Variants in RDX observed in about 807,000 individuals in gnomAD.
RDX encodes deafness, autosomal recessive 24.
In RDX, 32 loss-of-function variants were observed where a neutral mutation model predicts 83.7. The ratio of observed to expected loss-of-function variants is 0.38; its 90% CI spans 0.29 to 0.51. The LOEUF is 0.51. Ranked by LOEUF, RDX falls within the 20% of genes least tolerant of loss-of-function variation. The probability of loss-of-function intolerance (pLI) is 0.87; values close to 1 mark genes in which losing one functional copy is unlikely to be tolerated. For missense variants in RDX, 600 were observed against 689.9 expected (o/e 0.87, Z 1.46); for synonymous variants, 229 against 222.7 (o/e 1.03, Z -0.25).
At chr11:110,204,514 C>CTTTTTTTTTTTTTTTTTT (rs577737066) in intron 14 of RDX, among the ~76,000 whole-genome samples, 2 of 107,732 alleles carry the variant, frequency 1.9e-5, no homozygotes, top group Non-Finnish European at 1.8e-5. Flanking sequence ...TTTTTTTTTC[C>CTTTTTTTTTTTTTTTTTT]TTTTTTTTTT....
At chr11:110,268,983 T>A (rs115389562) in intron 3 of RDX, among the ~76,000 whole-genome samples, 2,837 of 148,994 alleles carry the variant, frequency 0.019, 83 homozygotes, top group African/African-American at 0.064. Context: ...ATATATATAT[T>A]TTTTTAATTA....
intron 1 of RDX, among the ~76,000 whole-genome samples, chr11:110,287,749 A>G (rs1861046758): frequency 6.6e-6 from 1 of 152,158 alleles, no homozygotes; most frequent in African/African-American, 2.4e-5. Flanking sequence ...CTTCACAATA[A>G]CTGCCCTCCC....
intron 14 of RDX, among the ~76,000 whole-genome samples, chr11:110,199,906 A>T (rs900008131): frequency 6.6e-6 from 1 of 152,280 alleles, no homozygotes; most frequent in Middle Eastern, 3.4e-3. Flanking sequence ...AATAAGAATA[A>T]CTTTAAACCT....
intron 13 of RDX, 44 bp downstream of exon 13, chr11:110,233,193 C>T: frequency 6.2e-7 from 1 of 1,610,360 alleles, no homozygotes; most frequent in East Asian, 2.2e-5. Context: ...GGGGAAAATG[C>T]AAACTATATT....
intron 1 of RDX, among the ~76,000 whole-genome samples, chr11:110,293,002 C>A (rs79263066): frequency 0.091 from 13,888 of 152,182 alleles, 763 homozygotes; most frequent in Non-Finnish European, 0.12. Context: ...AAAATCTGTA[C>A]ACAAACAAAT....
chr11:110,260,562 T>C (rs11213329), intron 5 of RDX, among the ~76,000 whole-genome samples: 60,098 of 151,948 alleles, frequency 0.4, 12,097 homozygotes, highest in East Asian at 0.61. Context: ...AGGTCTCAGA[T>C]TCCCGAGTAG....
chr11:110,221,496 G>T (rs1376498980), intron 14 of RDX, among the ~76,000 whole-genome samples: 1 of 152,004 alleles, frequency 6.6e-6, no homozygotes, highest in African/African-American at 2.4e-5. Context: ...TATTCAGGTG[G>T]CTGAGGCAGA....
chr11:110,225,554 A>C (rs1339311021), downstream of RDX, among the ~76,000 whole-genome samples: 3 of 152,242 alleles, frequency 2.0e-5, no homozygotes, highest in Non-Finnish European at 4.4e-5. Flanking sequence ...AATGCAAGTC[A>C]AAACCACAAT....
chr11:110,291,432 C>T (rs1428804238), intron 1 of RDX, among the ~76,000 whole-genome samples: 1 of 152,122 alleles, frequency 6.6e-6, no homozygotes, highest in African/African-American at 2.4e-5. Flanking sequence ...AGGGCAATTC[C>T]ATTACCCTTG....
At chr11:110,260,958 T>C (rs898236409) in intron 5 of RDX, among the ~76,000 whole-genome samples, 1 of 152,212 alleles carries the variant, frequency 6.6e-6, no homozygotes, top group Admixed American at 6.5e-5. Flanking sequence ...CTGTGGTTGG[T>C]TGACTCTGTG....
At chr11:110,269,002 A>AT in intron 3 of RDX, among the ~76,000 whole-genome samples, 1 of 150,662 alleles carries the variant, frequency 6.6e-6, no homozygotes, top group Non-Finnish European at 1.5e-5. Context: ...TAATTTATTT[A>AT]TTTTTTTGCC....
Position 110,188,163 on chromosome 11 carries a change from G to A in RDX, c.*31+11418C>T, listed in dbSNP as rs188348868. On this transcript the variant is annotated intron_variant, in intron 15 of 15. Coordinates refer to the RDX transcript ENST00000528498. ...ATAAAAATTAACCAGGCATGGTGGT[G>A]CGCCCTTGTGATCCCAGCTACTCGG... 2.3e-3 allele frequency among the ~76,000 whole-genome samples: 353 copies of A among 152,092 alleles called. 2 individuals are homozygous for A. Among genetic ancestry groups the A allele is most frequent in the Middle Eastern group, 6.8e-3 (2 of 292 alleles).
rs1360657203 is a variant in RDX at position 110,236,091 on chromosome 11, A to G, written c.1344+8T>C. On this transcript the variant is annotated splice_region_variant and intron_variant, in intron 12 of 13. Coordinates refer to ENST00000645495, the MANE Select transcript of RDX (RefSeq NM_002906.4). ...TCAATAAAAGCTAGTAAATGAATAA[A>G]TGATTACTTTGTGTTGCCACTCAGT... 6.3e-7 allele frequency: 1 copy of G among 1,591,252 alleles called. No individual in the cohort carries two copies. The highest frequency in any genetic ancestry group is 8.6e-7 in the Non-Finnish European group (1 of 1,161,114).
At chr11:110,272,661 A>AT in intron 2 of RDX, 42 bp from the exon 3 acceptor site, 1 of 1,331,508 alleles carries the variant, frequency 7.5e-7, no homozygotes. Flanking sequence ...AAGAGAAGTT[A>AT]TTAGGCGTGA....
intron 9 of RDX, among the ~76,000 whole-genome samples, chr11:110,251,055 T>C (rs1859317545): frequency 6.6e-6 from 1 of 152,194 alleles, no homozygotes; most frequent in African/African-American, 2.4e-5. Flanking sequence ...TGGCTTCTTC[T>C]TCTGAACGTA....
At chr11:110,260,102 T>C (rs541154739) in intron 5 of RDX, among the ~76,000 whole-genome samples, 1 of 151,988 alleles carries the variant, frequency 6.6e-6, no homozygotes, top group Non-Finnish European at 1.5e-5. Context: ...TTCTCCTGCC[T>C]GAGCCTCTCC....
intron 1 of RDX, among the ~76,000 whole-genome samples, chr11:110,282,484 T>C (rs1468611283): frequency 6.6e-6 from 1 of 152,108 alleles, no homozygotes; most frequent in African/African-American, 2.4e-5. Flanking sequence ...TTAACAAATA[T>C]GTATAATGAT....
chr11:110,281,972 A>C (rs371645866), intron 1 of RDX, among the ~76,000 whole-genome samples: 3 of 151,616 alleles, frequency 2.0e-5, no homozygotes, highest in East Asian at 3.9e-4. Flanking sequence ...AACAAACAAA[A>C]AAAAAACGAG....
intron 14 of RDX, among the ~76,000 whole-genome samples, chr11:110,213,147 A>T (rs1175313627): frequency 6.6e-6 from 1 of 152,118 alleles, no homozygotes; most frequent in Non-Finnish European, 1.5e-5. Flanking sequence ...GTCTCAGGAT[A>T]CAAAATCAAT....
Sources: gnomAD v4.1 joint callset for allele counts (sites outside exome capture counted in the v4.1 genomes callset) on GRCh38, gnomAD v4.1.1 for gene constraint, MANE v1.5 for transcripts, NCBI Gene and HGNC (gene_info 2026-07-23, HGNC 2026-07-21) for gene names.